WNT9B: variants seen among roughly 807,000 people sequenced by gnomAD.
WNT9B encodes the protein Wnt family member 9B, also known as protein Wnt-9b.
A neutral mutation model predicts 30.2 loss-of-function variants in WNT9B; 12 were observed. The observed-to-expected ratio is 0.40, with a 90% CI of 0.26 to 0.64. The LOEUF (loss-of-function observed/expected upper bound fraction) is 0.64. Ranked by LOEUF, WNT9B falls within the 30% of genes least tolerant of loss-of-function variation. The pLI is 0.42. For synonymous variants in WNT9B, 218 were observed against 216.9 expected (o/e 1.01, Z -0.05); for missense variants, 442 against 485.2 (o/e 0.91, Z 0.84).
At chr17:46,849,156 C>T (rs751054937), upstream of WNT9B, among the ~76,000 whole-genome samples, 3 of 152,228 alleles carry the variant, frequency 2.0e-5, no homozygotes, top group Non-Finnish European at 4.4e-5. Context: ...GGGGCCACGC[C>T]ATTGGCTGGC....
At chr17:46,852,005 C>T (rs1175805828) in intron 1 of WNT9B, among the ~76,000 whole-genome samples, 1 of 152,138 alleles carries the variant, frequency 6.6e-6, no homozygotes, top group Non-Finnish European at 1.5e-5. Flanking sequence ...GCGCACGCCT[C>T]GGACCCTGGC....
intron 1 of WNT9B, among the ~76,000 whole-genome samples, chr17:46,872,025 T>C (rs2085253240): frequency 6.6e-6 from 1 of 152,144 alleles, no homozygotes; most frequent in Non-Finnish European, 1.5e-5. Context: ...GTCCGCTCAA[T>C]GTCCACATCC....
rs766206570 is a variant in WNT9B at position 46,834,172 on chromosome 17, T to A, written c.95+732T>A. Reference sequence around the variant, plus strand: ...ATGGCACCACTACACTCCAGCCTGGTCGATGGAGTGAGACCCTGTTTCAAA... The same window carrying A: ...ATGGCACCACTACACTCCAGCCTGGACGATGGAGTGAGACCCTGTTTCAAA... On this transcript the variant is annotated intron_variant, in intron 1 of 2. Transcript: ENST00000575372. 5.9e-4 allele frequency among the ~76,000 whole-genome samples: 90 copies of A among 152,102 alleles called. 1 individual carries two copies. Among genetic ancestry groups the A allele is most frequent in the Non-Finnish European group, 9.9e-4 (67 of 68,018 alleles).
intron 1 of WNT9B, among the ~76,000 whole-genome samples, chr17:46,836,882 T>G (rs1159304847): frequency 6.6e-6 from 1 of 152,258 alleles, no homozygotes; most frequent in Non-Finnish European, 1.5e-5. Flanking sequence ...AATTTTGGTT[T>G]GTAAATGAAC....
intron 1 of WNT9B, among the ~76,000 whole-genome samples, chr17:46,854,178 C>G (rs1376495823): frequency 6.6e-6 from 1 of 152,186 alleles, no homozygotes; most frequent in Non-Finnish European, 1.5e-5. Context: ...AGGGAACAGA[C>G]AGGATTCAGC....
chr17:46,881,168 C>A (rs554135773), downstream of WNT9B, among the ~76,000 whole-genome samples: 2 of 152,328 alleles, frequency 1.3e-5, no homozygotes, highest in African/African-American at 4.8e-5. Flanking sequence ...CTGGCTCAGG[C>A]CTGCCCTGCC....
intron 1 of WNT9B, among the ~76,000 whole-genome samples, chr17:46,870,428 C>A (rs966248568): frequency 6.6e-6 from 1 of 151,246 alleles, no homozygotes; most frequent in Non-Finnish European, 1.5e-5. Flanking sequence ...TGGGTGTAGA[C>A]CTGGTGGACT....
chr17:46,836,095 C>CGTGTGTGTGTGTGT (rs59862934), intron 1 of WNT9B, among the ~76,000 whole-genome samples: 8,371 of 126,332 alleles, frequency 0.066, 463 homozygotes, highest in South Asian at 0.14. Flanking sequence ...GAGACGCTGA[C>CGTGTGTGTGTGTGT]GTGTGTGTGT....
At chr17:46,844,758 T>A (rs1165640144) in intron 1 of WNT9B, among the ~76,000 whole-genome samples, 3 of 152,230 alleles carry the variant, frequency 2.0e-5, no homozygotes, top group East Asian at 3.8e-4. Flanking sequence ...AATTATGGCA[T>A]ATTTTTAAAC....
upstream of WNT9B, chr17:46,851,550 C>A: frequency 2.9e-6 from 2 of 688,596 alleles, no homozygotes; most frequent in Middle Eastern, 5.0e-4. This position sits in a 1 kb window ranked among gnomAD's most constrained non-coding sequence, Gnocchi z 4.3. Flanking sequence ...CCGCCCCACC[C>A]GGGTTTAAAG....
upstream of WNT9B, among the ~76,000 whole-genome samples, chr17:46,851,256 G>T (rs1332964608): frequency 6.6e-6 from 1 of 152,044 alleles, no homozygotes; most frequent in Admixed American, 6.5e-5. The surrounding 1 kb of genome is among the most constrained non-coding windows in gnomAD (Gnocchi z 4.3). Flanking sequence ...CCCCATCCCG[G>T]AGAGGCAGAA....
intron 1 of WNT9B, among the ~76,000 whole-genome samples, chr17:46,843,322 G>C (rs150962531): frequency 2.6e-5 from 4 of 152,296 alleles, no homozygotes; most frequent in African/African-American, 9.6e-5. Flanking sequence ...GCTTTGTAGG[G>C]TGAACCCTTA....
At chr17:46,839,684 TC>T (rs1360320883) in intron 1 of WNT9B, among the ~76,000 whole-genome samples, 1 of 151,558 alleles carries the variant, frequency 6.6e-6, no homozygotes, top group Non-Finnish European at 1.5e-5. Context: ...CCTCCCCCAG[TC>T]CCCCCCGCCA....
intron 1 of WNT9B, among the ~76,000 whole-genome samples, chr17:46,859,050 C>T (rs2084989062): frequency 2.0e-5 from 3 of 150,284 alleles, no homozygotes; most frequent in Admixed American, 6.7e-5. Context: ...GATCTCGGCT[C>T]ACTGCAACCT....
intron 1 of WNT9B, among the ~76,000 whole-genome samples, chr17:46,870,904 C>CTTT (rs144277402): frequency 1.1e-3 from 84 of 78,374 alleles, no homozygotes; most frequent in East Asian, 9.9e-3. Flanking sequence ...TCCACCTTTG[C>CTTT]TTTTTTTTTT....
downstream of WNT9B, among the ~76,000 whole-genome samples, chr17:46,882,700 G>C (rs1337395097): frequency 6.6e-6 from 1 of 152,120 alleles, no homozygotes; most frequent in Non-Finnish European, 1.5e-5. Flanking sequence ...CTCTCACCTG[G>C]AGTTCCTTCT....
At chr17:46,841,468 G>A (rs1023661546) in intron 1 of WNT9B, among the ~76,000 whole-genome samples, 1 of 152,232 alleles carries the variant, frequency 6.6e-6, no homozygotes, top group African/African-American at 2.4e-5. Context: ...GGAGGGTGGA[G>A]AATCCGAAAG....
chr17:46,868,566 A>G (rs1048351480), intron 1 of WNT9B, among the ~76,000 whole-genome samples: 6 of 152,232 alleles, frequency 3.9e-5, no homozygotes, highest in African/African-American at 1.4e-4. Flanking sequence ...ACTGCACTCC[A>G]GCCTGGGTGA....
At chr17:46,873,160 A>T (rs975439690) in intron 2 of WNT9B, among the ~76,000 whole-genome samples, 1 of 151,480 alleles carries the variant, frequency 6.6e-6, no homozygotes, top group Non-Finnish European at 1.5e-5. Context: ...AGACGTGAGG[A>T]TGGGCGGCAG....
Sources: allele counts gnomAD v4.1 joint callset (sites outside exome capture counted in the v4.1 genomes callset), GRCh38; gene constraint gnomAD v4.1.1; non-coding constraint Gnocchi (gnomAD v3.1); transcripts MANE v1.5; gene names NCBI Gene and HGNC (gene_info 2026-07-23, HGNC 2026-07-21).